PKNOX1: variants seen among roughly 807,000 people sequenced by gnomAD.
The protein encoded by PKNOX1 is PBX/knotted 1 homeobox 1.
Under a neutral mutation model 51.9 loss-of-function variants are expected in PKNOX1, and 15 were observed. The ratio of observed to expected loss-of-function variants is 0.29; its 90% confidence interval spans 0.19 to 0.45. The LOEUF (loss-of-function observed/expected upper bound fraction) is 0.45, where lower values mean the gene tolerates loss of function less well. Ranked by LOEUF, PKNOX1 falls within the 20% of genes least tolerant of loss-of-function variation. The pLI, the probability that PKNOX1 is intolerant of heterozygous loss-of-function variation, is 1.00. For synonymous variants in PKNOX1, 219 were observed against 211.1 expected (o/e 1.04, Z -0.32); for missense variants, 462 against 547.5 (o/e 0.84, Z 1.56).
chr21:43,028,784 G>T lies in PKNOX1; in HGVS notation c.1009G>T (p.Ala337Ser). The T allele has an allele frequency of 1.2e-6, 2 of 1,614,168 alleles. No individual in the cohort carries two copies. The highest frequency in any genetic ancestry group is 1.7e-6 in the Non-Finnish European group (2 of 1,180,018). The change falls in exon 10 of 11, where the codon GCT (alanine) becomes TCT (serine). Residue 337 changes from alanine (A) to serine (S), a missense_variant. Physicochemically the swap from Ala to Ser is moderately conservative, Grantham distance 99 (BLOSUM62 1). Coordinates refer to ENST00000291547, the MANE Select transcript of PKNOX1 (RefSeq NM_004571.5). ...SETPKTKKKTAQNRPVQRFWP... is the reference protein window; with the variant it reads ...SETPKTKKKTSQNRPVQRFWP... ...GACCCCCAAAACAAAGAAAAAAACT[G>T]CTCAGAACCGGCCAGTTCAGAGGTT...
At chr21:43,011,075 T>G (rs990401643) in intron 4 of PKNOX1, among the ~76,000 whole-genome samples, 3 of 147,096 alleles carry the variant, frequency 2.0e-5, no homozygotes, top group African/African-American at 7.5e-5. Flanking sequence ...TCTTTTTTTT[T>G]TTTTTTTTTT....
intron 1 of PKNOX1, among the ~76,000 whole-genome samples, chr21:42,975,838 T>C (rs1406386823): frequency 6.6e-6 from 1 of 152,264 alleles, no homozygotes; most frequent in African/African-American, 2.4e-5. Flanking sequence ...TAGGAAGTGG[T>C]TCCTCTTCAG....
chr21:42,976,312 G>A (rs1036007474), intron 1 of PKNOX1, among the ~76,000 whole-genome samples: 2 of 152,210 alleles, frequency 1.3e-5, no homozygotes, highest in Admixed American at 1.3e-4. Context: ...GATCATCTGA[G>A]CCTTTAGTGA....
intron 7 of PKNOX1, among the ~76,000 whole-genome samples, chr21:43,019,840 C>T (rs947777352): frequency 6.6e-6 from 1 of 151,496 alleles, no homozygotes; most frequent in Non-Finnish European, 1.5e-5. Context: ...CTGCACCCAG[C>T]TCTCAAGAAG....
intron 1 of PKNOX1, among the ~76,000 whole-genome samples, chr21:42,980,606 C>T (rs1427442314): frequency 6.6e-6 from 1 of 152,056 alleles, no homozygotes; most frequent in Non-Finnish European, 1.5e-5. Flanking sequence ...CTCTTAACAG[C>T]ACTTTAAAGG....
intron 1 of PKNOX1, among the ~76,000 whole-genome samples, chr21:42,982,825 C>G (rs1253117151): frequency 1.3e-5 from 2 of 151,526 alleles, no homozygotes; most frequent in Non-Finnish European, 2.9e-5. Flanking sequence ...TTTTTTCCCC[C>G]ACGAAACAGG....
At chr21:42,979,978 C>T (rs393280) in intron 1 of PKNOX1, among the ~76,000 whole-genome samples, 137,389 of 152,272 alleles carry the variant, frequency 0.9, 62,119 homozygotes, top group African/African-American at 0.93. Flanking sequence ...GATCTAAGTG[C>T]CAGCAGGTTC....
intron 5 of PKNOX1, among the ~76,000 whole-genome samples, chr21:43,015,805 T>C (rs1979464128): frequency 6.6e-6 from 1 of 152,088 alleles, no homozygotes; most frequent in Non-Finnish European, 1.5e-5. Flanking sequence ...GATATTGATC[T>C]TTTGTGTCTC....
rs745536911 is a variant in PKNOX1 at position 43,017,020 on chromosome 21, A to G, written c.622+13A>G. The G allele has an allele frequency of 1.3e-6, 2 of 1,571,362 alleles. No individual in the cohort carries two copies. The highest frequency in any genetic ancestry group is 2.2e-5 in the South Asian group (2 of 90,306). On this transcript the variant is annotated intron_variant, in intron 6 of 10. Transcript: ENST00000291547. Reference sequence around the variant, plus strand: ...GCGACGGTGGCAGGTACGATGACAGAAAAATGGACACACTCTCCATGAGTT... The same window carrying G: ...GCGACGGTGGCAGGTACGATGACAGGAAAATGGACACACTCTCCATGAGTT...
intron 7 of PKNOX1, 57 bp downstream of exon 7, chr21:43,018,287 C>A: frequency 1.9e-6 from 2 of 1,068,798 alleles, no homozygotes; most frequent in Non-Finnish European, 2.9e-6. Context: ...CATAGGGGCA[C>A]AGGTAGAACA....
intron 3 of PKNOX1, 65 bp from the exon 4 acceptor site, chr21:43,009,988 C>T: frequency 9.9e-7 from 1 of 1,009,592 alleles, no homozygotes; most frequent in Non-Finnish European, 1.4e-6. Context: ...TGCAGGCATA[C>T]ACGCAAAGAC....
chr21:42,987,404 A>AATATATAT (rs1170402960), intron 1 of PKNOX1, among the ~76,000 whole-genome samples: 28 of 41,394 alleles, frequency 6.8e-4, no homozygotes, highest in African/African-American at 2.1e-3. Context: ...AAAAAAAAAA[A>AATATATAT]ATATATATAT....
chr21:42,981,678 GC>G (rs144971794), intron 1 of PKNOX1, among the ~76,000 whole-genome samples: 4,232 of 152,236 alleles, frequency 0.028, 88 homozygotes, highest in Middle Eastern at 0.051. Context: ...TCCCGCCACA[GC>G]CCCCAAAGTA....
intron 5 of PKNOX1, 90 bp from the exon 6 acceptor site, chr21:43,016,818 A>G: frequency 6.7e-6 from 5 of 751,348 alleles, no homozygotes; most frequent in Middle Eastern, 2.4e-4. Context: ...TCCTTTTTTA[A>G]TGGTGTCATT....
intron 10 of PKNOX1, among the ~76,000 whole-genome samples, chr21:43,029,498 G>A (rs1341164651): frequency 7.3e-6 from 1 of 136,908 alleles, no homozygotes; most frequent in African/African-American, 2.7e-5. Context: ...CGCAATCTCG[G>A]CTCACTGAAA....
rs899427081 is a variant in PKNOX1 at position 43,030,916 on chromosome 21, T to C, written c.*815T>C. On this transcript the variant is annotated 3_prime_UTR_variant, in exon 11 of 11. Transcript: ENST00000291547. The stretch of plus-strand genomic sequence containing the variant: ...TTTACTACTATAAAAGAAACAGCTA[T>C]TTAATGAAATTTTGATATCTGCAAA... 1.3e-5 allele frequency: 2 copies of C among 152,234 alleles called. No homozygotes were observed. Among genetic ancestry groups the C allele is most frequent in the Non-Finnish European group, 2.9e-5 (2 of 68,034 alleles). 9.4% of individuals were successfully genotyped at this position (152,234 alleles called of 1,614,324 possible). A position where few individuals can be genotyped will look rare whatever the true frequency, so the allele number is the denominator to read the frequency against.
In PKNOX1 at chr21:43,004,344, C is replaced by T. The variant is rs371201606; in HGVS notation, c.-38C>T. 36 of 1,422,450 alleles carry T rather than the reference C, an allele frequency of 2.5e-5. No homozygotes were observed. The highest frequency in any genetic ancestry group is 1.7e-4 in the Middle Eastern group (1 of 5,726). The allele number at this position is 1,422,450 out of a possible 1,614,324, so 88.1% of individuals were successfully genotyped here. A position where few individuals can be genotyped will look rare whatever the true frequency, so the allele number is the denominator to read the frequency against. ...TCTCCAGACACCATTCGCTTTTCACCCAAGATGATTTGATGTCTTATAAAA... is the reference window on the plus strand; with the variant it reads ...TCTCCAGACACCATTCGCTTTTCACTCAAGATGATTTGATGTCTTATAAAA... On this transcript the variant is annotated 5_prime_UTR_variant, in exon 2 of 11. Transcript: ENST00000291547.
At position 43,030,745 on chromosome 21, in the gene PKNOX1, G is replaced by C. The variant is rs1980228139; in HGVS notation, c.*644G>C. 1.3e-5 allele frequency: 2 copies of C among 152,552 alleles called. No individual in the cohort carries two copies. The highest frequency in any genetic ancestry group is 1.3e-4 in the Admixed American group (2 of 15,284). The allele number at this position is 152,552 out of a possible 1,614,324, so 9.4% of individuals were successfully genotyped here. ...TTATGAATTGGATGATGACTATATT[G>C]AGGATAAAATTTCTAGAGAAGAAAC... On this transcript the variant is annotated 3_prime_UTR_variant, in exon 11 of 11. Coordinates refer to ENST00000291547, the MANE Select transcript of PKNOX1 (RefSeq NM_004571.5).
intron 1 of PKNOX1, among the ~76,000 whole-genome samples, chr21:43,001,368 C>T (rs539499593): frequency 6.6e-6 from 1 of 152,314 alleles, no homozygotes; most frequent in East Asian, 1.9e-4. Flanking sequence ...CAGCCTTCTC[C>T]CTGCAGGCTC....
Sources: allele counts gnomAD v4.1 joint callset (sites outside exome capture counted in the v4.1 genomes callset), GRCh38; gene constraint gnomAD v4.1.1; transcripts MANE v1.5; gene names NCBI Gene and HGNC (gene_info 2026-07-23, HGNC 2026-07-21).